EIF3K: variants seen among roughly 807,000 people sequenced by gnomAD.
EIF3K encodes the protein eIF-3 p28.
Under a neutral mutation model 34.2 loss-of-function variants are expected in EIF3K, and 27 were observed. That is an observed-to-expected ratio of 0.79 (90% confidence interval 0.58 to 1.09). The LOEUF (loss-of-function observed/expected upper bound fraction) is 1.09. Ranked by LOEUF, EIF3K falls within the 50% of genes least tolerant of loss-of-function variation. EIF3K has a pLI of 0.00. For synonymous variants in EIF3K, 105 were observed against 105.7 expected (o/e 0.99, Z 0.04); for missense variants, 232 against 275.4 (o/e 0.84, Z 1.11).
intron 1 of EIF3K, among the ~76,000 whole-genome samples, chr19:38,619,968 T>C (rs752848077): frequency 3.7e-4 from 56 of 151,658 alleles, no homozygotes; most frequent in Non-Finnish European, 6.5e-4. Context: ...GGCAGCGAGG[T>C]AGGCAGGAGA....
Position 38,626,034 on chromosome 19 carries a change from G to C in EIF3K, c.286G>C (p.Glu96Gln), listed in dbSNP as rs1240346830. 3 of 1,614,202 alleles carry C rather than the reference G, an allele frequency of 1.9e-6. No individual in the cohort carries two copies. Among genetic ancestry groups the C allele is most frequent in the Non-Finnish European group, 2.5e-6 (3 of 1,180,030 alleles). ...KCMIDQAHQE[E>Q]RPIRQILYLG... ...TAATGCTTCCTCCTCCCAGCAAGAA[G>C]AACGGCCAATCCGACAGATTTTGTA... Residue 96 changes from glutamate (E) to glutamine (Q), a missense_variant, in exon 4 of 8, where the codon GAA becomes CAA. By Grantham distance (29) the Glu-to-Gln change is conservative (BLOSUM62 2). Transcript: ENST00000248342.
In EIF3K at chr19:38,632,678, G is replaced by A. The variant is rs1239846435; in HGVS notation, c.499G>A (p.Asp167Asn). Residue 167 changes from aspartate (D) to asparagine (N), a missense_variant and splice_region_variant, in exon 6 of 8, where the codon GAC (aspartate) becomes AAC (asparagine). Coordinates refer to ENST00000248342, the MANE Select transcript of EIF3K (RefSeq NM_013234.4). ...LLAEMLGDLS[D>N]SQLKVWMSKY... ...GGCCGAGATGCTCGGGGATCTGTCG[G>A]GTAACGCCCTCTGGGTCCTGGTGCA... 4 of 1,611,316 alleles carry A rather than the reference G, an allele frequency of 2.5e-6. No homozygotes were observed. The South Asian group carries it at 3.3e-5, about 13-fold the overall frequency.
At chr19:38,636,482 C>CA (rs961695686) in intron 7 of EIF3K, among the ~76,000 whole-genome samples, 3 of 150,562 alleles carry the variant, frequency 2.0e-5, no homozygotes, top group South Asian at 2.1e-4. Flanking sequence ...GACTGTGTCT[C>CA]AAAAAAAAAC....
intron 4 of EIF3K, among the ~76,000 whole-genome samples, chr19:38,629,488 A>G (rs996456748): frequency 1.4e-4 from 22 of 152,056 alleles, no homozygotes; most frequent in Middle Eastern, 3.4e-3. Context: ...TAGAGGTTGG[A>G]TTTCGCCATG....
intron 6 of EIF3K, among the ~76,000 whole-genome samples, chr19:38,633,436 C>T (rs1339886370): frequency 6.6e-6 from 1 of 151,842 alleles, no homozygotes; most frequent in African/African-American, 2.4e-5. Context: ...CGGTGGCTCC[C>T]GCCTGTAATC....
At chr19:38,634,946 G>C (rs373545746) in intron 6 of EIF3K, 47 bp from the exon 7 acceptor site, 3 of 1,612,512 alleles carry the variant, frequency 1.9e-6, no homozygotes, top group Non-Finnish European at 1.7e-6. Context: ...CCCTGGAACT[G>C]TGGGATCAGG....
chr19:38,620,484 G>C lies in EIF3K; in HGVS notation c.158+49G>C, dbSNP rs181438320. On this transcript the variant is annotated intron_variant, in intron 2 of 7. Coordinates refer to ENST00000248342, the MANE Select transcript of EIF3K (RefSeq NM_013234.4). ...CACTCCCATTGCAGCAACTAGCAGGGTGCCACTCCCAGTACAGGGCAAGGG... is the reference window on the plus strand; with the variant it reads ...CACTCCCATTGCAGCAACTAGCAGGCTGCCACTCCCAGTACAGGGCAAGGG... The C allele has an allele frequency of 3.0e-4, 467 of 1,537,242 alleles. 1 individual carries two copies. The highest frequency in any genetic ancestry group is 1.6e-3 in the East Asian group (70 of 44,388).
rs1241787613 is a variant in EIF3K at position 38,619,204 on chromosome 19, C to T, written c.-65C>T. The T allele has an allele frequency of 5.1e-6, 8 of 1,581,490 alleles. No homozygotes were observed. The East Asian group carries it at 1.8e-4, about 36-fold the overall frequency. ...TTCCACCACCTCTTCCTGTTCCCGTCCTTGAGGACGCCGTGCCGGGTCAGT... is the reference window on the plus strand; with the variant it reads ...TTCCACCACCTCTTCCTGTTCCCGTTCTTGAGGACGCCGTGCCGGGTCAGT... On this transcript the variant is annotated 5_prime_UTR_variant, in exon 1 of 8. Coordinates refer to ENST00000248342, the MANE Select transcript of EIF3K (RefSeq NM_013234.4).
At chr19:38,622,624 G>C (rs950397642) in intron 2 of EIF3K, among the ~76,000 whole-genome samples, 8 of 152,314 alleles carry the variant, frequency 5.3e-5, no homozygotes, top group South Asian at 4.1e-4. Flanking sequence ...CAGGAGACAG[G>C]GTTTTGAGAT....
At position 38,621,662 on chromosome 19, in the gene EIF3K, A is replaced by T. The variant is rs1374589810; in HGVS notation, c.158+1227A>T. ...GCATACATCTGGCTCAGCTCAGCTCAGGTTTCCCTGCTTTGAACTTGATAC... is the reference window on the plus strand; with the variant it reads ...GCATACATCTGGCTCAGCTCAGCTCTGGTTTCCCTGCTTTGAACTTGATAC... On this transcript the variant is annotated intron_variant, in intron 2 of 7. Transcript: ENST00000248342. Among the ~76,000 whole-genome samples the T allele has an allele frequency of 4.6e-5, 7 of 152,296 alleles. No individual in the cohort carries two copies. The East Asian group carries it at 1.3e-3, about 29-fold the overall frequency.
chr19:38,629,710 C>A (rs1976021094), intron 4 of EIF3K, among the ~76,000 whole-genome samples: 1 of 152,142 alleles, frequency 6.6e-6, no homozygotes, highest in South Asian at 2.1e-4. Context: ...GAGCAGAAAT[C>A]TGAAGGAGGT....
chr19:38,633,048 G>C, intron 6 of EIF3K: 1 of 227,790 alleles, frequency 4.4e-6, no homozygotes, highest in Non-Finnish European at 8.6e-6. Context: ...ACAGACCAGC[G>C]GCATCTGAGC....
intron 4 of EIF3K, among the ~76,000 whole-genome samples, chr19:38,631,627 A>G (rs1420954063): frequency 6.6e-6 from 1 of 152,174 alleles, no homozygotes; most frequent in African/African-American, 2.4e-5. Context: ...TCTTGTCTCA[A>G]CTGCAAAGAG....
chr19:38,621,171 G>A (rs1026730297), intron 2 of EIF3K, among the ~76,000 whole-genome samples: 5 of 151,560 alleles, frequency 3.3e-5, no homozygotes, highest in African/African-American at 1.2e-4. Flanking sequence ...ACTCCAGCCT[G>A]GGGGACAGAG....
rs373893911 is a variant in EIF3K, at chr19:38,620,396, A to G, written c.119A>G (p.Asn40Ser). 1 of 1,614,044 alleles carries G rather than the reference A, an allele frequency of 6.2e-7. No homozygotes were observed. Among genetic ancestry groups the G allele is most frequent in the Non-Finnish European group, 8.5e-7 (1 of 1,180,000 alleles). Residue 40 changes from asparagine to serine, a missense_variant, in exon 2 of 8, where the codon AAT becomes AGT. By Grantham distance (46) the Asn-to-Ser change is conservative. Coordinates refer to ENST00000248342, the MANE Select transcript of EIF3K (RefSeq NM_013234.4). ...ERYVETQAKE[N>S]AYDLEANLAV... The stretch of plus-strand genomic sequence containing the variant: ...TATGTAGAGACGCAGGCCAAGGAAA[A>G]TGCCTATGATCTGGAAGCCAACCTG...
intron 4 of EIF3K, among the ~76,000 whole-genome samples, chr19:38,627,948 A>G (rs1383355092): frequency 2.1e-5 from 3 of 145,256 alleles, no homozygotes; most frequent in Non-Finnish European, 4.5e-5. Context: ...TGTGTCACCC[A>G]GGCTGGAATG....
intron 4 of EIF3K, among the ~76,000 whole-genome samples, chr19:38,629,263 GTTTGTTTGT>G (rs1404231927): frequency 1.1e-4 from 16 of 147,638 alleles, no homozygotes; most frequent in African/African-American, 3.3e-4. Flanking sequence ...GGTTTTTTTT[GTTTGTTTGT>G]TTTGTTTTGT....
At chr19:38,631,225 A>G (rs1976057625) in intron 4 of EIF3K, among the ~76,000 whole-genome samples, 1 of 152,200 alleles carries the variant, frequency 6.6e-6, no homozygotes, top group Admixed American at 6.5e-5. Flanking sequence ...GAGACAAAGT[A>G]TAGAGAAAGA....
At chr19:38,634,373 C>T (rs1014230582) in intron 6 of EIF3K, among the ~76,000 whole-genome samples, 27 of 148,040 alleles carry the variant, frequency 1.8e-4, no homozygotes, top group African/African-American at 6.2e-4. Flanking sequence ...CCAAGGTGGG[C>T]GGATCACCTG....
Sources: gnomAD v4.1 joint callset for allele counts (sites outside exome capture counted in the v4.1 genomes callset) on GRCh38, gnomAD v4.1.1 for gene constraint, MANE v1.5 for transcripts, NCBI Gene and HGNC (gene_info 2026-07-23, HGNC 2026-07-21) for gene names.